ASTN2: variants seen among roughly 807,000 people sequenced by gnomAD.
The protein encoded by ASTN2 is astrotactin 2, also known as astrotactin-2.
A neutral mutation model predicts 139.8 loss-of-function variants in ASTN2; 54 were observed. The observed-to-expected ratio is 0.39, with a 90% CI of 0.31 to 0.48. ASTN2 has a LOEUF of 0.48. Among genes scored for constraint, ASTN2 ranks in the 20% least tolerant of loss-of-function variants. ASTN2 has a pLI of 0.95. For synonymous variants in ASTN2, 756 were observed against 719.5 expected (o/e 1.05, Z -0.81); for missense variants, 1,565 against 1,725.1 (o/e 0.91, Z 1.64).
intron 1 of ASTN2, among the ~76,000 whole-genome samples, chr9:117,402,734 T>G (rs2130964499): frequency 6.6e-6 from 1 of 152,292 alleles, no homozygotes; most frequent in East Asian, 1.9e-4. Flanking sequence ...TAAGTTGGCA[T>G]CATGTATTTT....
At chr9:116,573,989 A>G (rs912063150) in intron 19 of ASTN2, among the ~76,000 whole-genome samples, 1 of 152,230 alleles carries the variant, frequency 6.6e-6, no homozygotes, top group Non-Finnish European at 1.5e-5. Flanking sequence ...GTGGCATTGT[A>G]CATCCAAGGT....
intron 10 of ASTN2, among the ~76,000 whole-genome samples, chr9:116,958,449 C>T (rs780986026): frequency 9.9e-5 from 15 of 151,988 alleles, no homozygotes; most frequent in South Asian, 2.1e-4. Context: ...ATTAGCCGGG[C>T]GTGGCGGCGG....
intron 19 of ASTN2, among the ~76,000 whole-genome samples, chr9:116,605,068 C>T (rs1025181963): frequency 6.6e-6 from 1 of 151,042 alleles, no homozygotes; most frequent in African/African-American, 2.4e-5. Flanking sequence ...AGAGAGCCAC[C>T]AAGGGAAGCC....
intron 7 of ASTN2, among the ~76,000 whole-genome samples, chr9:116,982,993 T>G (rs1836555017): frequency 6.6e-6 from 1 of 152,152 alleles, no homozygotes; most frequent in Admixed American, 6.5e-5. Context: ...CAAAGCCTCC[T>G]TCATAAGCCA....
At chr9:117,361,197 C>A (rs1564165750) in intron 1 of ASTN2, among the ~76,000 whole-genome samples, 1 of 152,138 alleles carries the variant, frequency 6.6e-6, no homozygotes, top group Non-Finnish European at 1.5e-5. Flanking sequence ...TGTGAAAAGA[C>A]AAAAGAAGTG....
At chr9:116,898,640 T>C (rs1177419265) in intron 10 of ASTN2, among the ~76,000 whole-genome samples, 9 of 152,164 alleles carry the variant, frequency 5.9e-5, no homozygotes, top group African/African-American at 2.2e-4. Flanking sequence ...TTTTTTCATA[T>C]TTTAAAAAAG....
intron 11 of ASTN2, among the ~76,000 whole-genome samples, chr9:116,848,267 C>CA (rs1323611352): frequency 1.3e-5 from 2 of 152,186 alleles, no homozygotes; most frequent in African/African-American, 4.8e-5. Flanking sequence ...TTTCTGTTTT[C>CA]AGAAGCCTCA....
At chr9:117,179,077 C>T (rs1236630058) in intron 3 of ASTN2, among the ~76,000 whole-genome samples, 1 of 152,118 alleles carries the variant, frequency 6.6e-6, no homozygotes, top group African/African-American at 2.4e-5. Flanking sequence ...TATGACACAC[C>T]ATTAGCTCAT....
intron 13 of ASTN2, among the ~76,000 whole-genome samples, chr9:116,759,821 C>G (rs1245920459): frequency 6.6e-6 from 1 of 152,184 alleles, no homozygotes; most frequent in Non-Finnish European, 1.5e-5. Flanking sequence ...GGACCTTAAT[C>G]TCTCTTGCTA....
chr9:116,541,584 G>T (rs1851879520), intron 19 of ASTN2, among the ~76,000 whole-genome samples: 1 of 152,176 alleles, frequency 6.6e-6, no homozygotes, highest in African/African-American at 2.4e-5. Context: ...ATAGTACTAA[G>T]GTACCAGGAA....
intron 3 of ASTN2, among the ~76,000 whole-genome samples, chr9:117,176,030 T>TAA (rs34062604): frequency 6.8e-6 from 1 of 146,426 alleles, no homozygotes; most frequent in African/African-American, 2.5e-5. Context: ...ACTAATCAGG[T>TAA]AAAAAAAAAA....
rs769734450 is a variant in ASTN2, at chr9:117,141,416, G to T, written c.1078C>A (p.Arg360Ser). The T allele has an allele frequency of 2.2e-6, 3 of 1,367,468 alleles. No homozygotes were observed. The East Asian group carries it at 1.4e-4, about 62-fold the overall frequency. The allele number at this position is 1,367,468 out of a possible 1,614,324, so 84.7% of individuals were successfully genotyped here. A position where few individuals can be genotyped will look rare whatever the true frequency, so the allele number is the denominator to read the frequency against. The stretch of plus-strand genomic sequence containing the variant: ...CCGATCTCGATGGGCGTGTTAGCGC[G>T]GAAACTCTCCTTGAACTTCTGCATC... ...SLMQKFKESF[R>S]ANTPIEIGQL... Residue 360 changes from arginine (R) to serine (S), a missense_variant, in exon 4 of 23, where the codon CGC becomes AGC. Around this residue, in one of 4 missense-constraint regions of ASTN2, gnomAD observed 596 missense variants for 576.8 expected, o/e 1.03. Coordinates refer to ENST00000313400, the MANE Select transcript of ASTN2 (RefSeq NM_001365068.1).
intron 5 of ASTN2, among the ~76,000 whole-genome samples, chr9:117,057,432 G>A (rs553937377): frequency 3.9e-5 from 6 of 152,264 alleles, no homozygotes; most frequent in South Asian, 2.1e-4. Flanking sequence ...CACACCTGGC[G>A]CTTCCTGCAT....
chr9:116,581,680 G>GTC (rs1225588623), intron 19 of ASTN2, among the ~76,000 whole-genome samples: 1 of 152,120 alleles, frequency 6.6e-6, no homozygotes, highest in Admixed American at 6.5e-5. Context: ...GAGTGAGATG[G>GTC]TCTCTGAGCA....
At chr9:116,525,843 A>T (rs1051841325) in intron 19 of ASTN2, among the ~76,000 whole-genome samples, 1 of 152,144 alleles carries the variant, frequency 6.6e-6, no homozygotes, top group Non-Finnish European at 1.5e-5. Flanking sequence ...CACCCTAAAT[A>T]ATGCAATCCC....
At chr9:117,388,796 C>T (rs1830469966) in intron 1 of ASTN2, among the ~76,000 whole-genome samples, 1 of 152,098 alleles carries the variant, frequency 6.6e-6, no homozygotes, top group Admixed American at 6.5e-5. Context: ...CAGCCTCTTT[C>T]CCCAGAGTCT....
At chr9:117,112,463 TAG>T (rs1319027308) in intron 4 of ASTN2, among the ~76,000 whole-genome samples, 3 of 152,110 alleles carry the variant, frequency 2.0e-5, no homozygotes, top group Non-Finnish European at 4.4e-5. Flanking sequence ...TGAAACAGAA[TAG>T]AGTGTTCAGA....
chr9:116,808,390 C>T (rs1831085134), intron 12 of ASTN2, among the ~76,000 whole-genome samples: 1 of 152,008 alleles, frequency 6.6e-6, no homozygotes, highest in African/African-American at 2.4e-5. Flanking sequence ...TATGCACACA[C>T]ACATCTCATA....
In ASTN2 at chr9:116,698,894, A is replaced by G; in HGVS notation, c.2806+26877T>C. On this transcript the variant is annotated intron_variant, in intron 16 of 22. Transcript: ENST00000313400. The surrounding 1 kb of genome is among the most constrained non-coding windows in gnomAD (Gnocchi z 4.4). ...GTCTCTACGTGACCAGTCAAGGTGA[A>G]GTACTAGTCGCTGACCGTGGTAACT... 6.2e-7 allele frequency: 1 copy of G among 1,614,216 alleles called. No individual in the cohort carries two copies. The highest frequency in any genetic ancestry group is 8.5e-7 in the Non-Finnish European group (1 of 1,180,046).
Sources: allele counts gnomAD v4.1 joint callset (sites outside exome capture counted in the v4.1 genomes callset), GRCh38; gene constraint gnomAD v4.1.1; regional missense constraint gnomAD v4.1.1; non-coding constraint Gnocchi (gnomAD v3.1); transcripts MANE v1.5; gene names NCBI Gene and HGNC (gene_info 2026-07-23, HGNC 2026-07-21).